The following BAAT variants were observed in gnomAD, a reference collection of about 807,000 sequenced individuals.
BAAT encodes the protein bile acid-CoA:amino acid N-acyltransferase.
BAAT carries 13 observed loss-of-function variants against 18.9 expected under a neutral mutation model. That is an observed-to-expected ratio of 0.69 (90% CI 0.45 to 1.10). BAAT has a LOEUF of 1.10. Among genes scored for constraint, BAAT ranks in the 50% least tolerant of loss-of-function variants. The probability of loss-of-function intolerance (pLI) is 0.00; values close to 1 mark genes in which losing one functional copy is unlikely to be tolerated. For synonymous variants in BAAT, 170 were observed against 190.7 expected (o/e 0.89, Z 0.89); for missense variants, 489 against 504.0 (o/e 0.97, Z 0.28).
Position 101,361,258 on chromosome 9 carries a change from C to T in BAAT, c.*1170G>A, listed in dbSNP as rs1013893119. 2.6e-5 allele frequency: 4 copies of T among 154,182 alleles called. No individual in the cohort carries two copies. Among genetic ancestry groups the T allele is most frequent in the South Asian group, 2.0e-4 (1 of 4,904 alleles). The allele number at this position is 154,182 out of a possible 1,614,324, so 9.6% of individuals were successfully genotyped here. On this transcript the variant is annotated 3_prime_UTR_variant, in exon 4 of 4. Transcript: ENST00000259407. ...AGATATTTAACTGACCCACTATATTCCTCAAGGATACTGCATTTGGACATA... is the reference window on the plus strand; with the variant it reads ...AGATATTTAACTGACCCACTATATTTCTCAAGGATACTGCATTTGGACATA...
chr9:101,381,378 G>T (rs1830130201), intron 1 of BAAT, among the ~76,000 whole-genome samples: 1 of 151,896 alleles, frequency 6.6e-6, no homozygotes, highest in South Asian at 2.1e-4. Flanking sequence ...GTAAAAATTA[G>T]CTGGGTGTGG....
chr9:101,369,267 T>C (rs995473915), intron 2 of BAAT, among the ~76,000 whole-genome samples: 13 of 152,090 alleles, frequency 8.5e-5, no homozygotes, highest in African/African-American at 3.1e-4. Flanking sequence ...TAAAAATTAC[T>C]ATAATTAAGT....
intron 1 of BAAT, among the ~76,000 whole-genome samples, chr9:101,379,034 A>G (rs541109217): frequency 2.0e-4 from 30 of 152,326 alleles, no homozygotes; most frequent in Admixed American, 5.2e-4. Flanking sequence ...CAATGAGATA[A>G]TATCTCATGC....
chr9:101,373,111 A>G (rs897142647), intron 1 of BAAT, among the ~76,000 whole-genome samples: 2 of 152,218 alleles, frequency 1.3e-5, no homozygotes, highest in Non-Finnish European at 2.9e-5. Flanking sequence ...ATCATATTTC[A>G]CAAACTGTTC....
In BAAT at chr9:101,361,390, CAA is replaced by C. The variant is rs907393727; in HGVS notation, c.*1036_*1037del. On this transcript the variant is annotated 3_prime_UTR_variant, in exon 4 of 4. Transcript: ENST00000259407. ...GGACTATATGATCAAAGCCTTATAG[CAA>C]AAAAAATTTTTTAATATTTGCAAAG... is the stretch of plus-strand genomic sequence containing the variant. 41 of 152,422 alleles carry C rather than the reference CAA, an allele frequency of 2.7e-4. No homozygotes were observed. Among genetic ancestry groups the C allele is most frequent in the African/African-American group, 9.9e-4 (41 of 41,486 alleles). The allele number at this position is 152,422 out of a possible 1,614,324, so 9.4% of individuals were successfully genotyped here. A position where few individuals can be genotyped will look rare whatever the true frequency, so the allele number is the denominator to read the frequency against.
At chr9:101,369,522 C>T (rs1044745891) in intron 2 of BAAT, among the ~76,000 whole-genome samples, 1 of 152,126 alleles carries the variant, frequency 6.6e-6, no homozygotes, top group Non-Finnish European at 1.5e-5. Flanking sequence ...ACACTTGAAG[C>T]GGGAGACCCA....
intron 1 of BAAT, among the ~76,000 whole-genome samples, chr9:101,378,181 A>G (rs1176596799): frequency 6.6e-6 from 1 of 152,126 alleles, no homozygotes; most frequent in African/African-American, 2.4e-5. Flanking sequence ...CATACTGCCC[A>G]AAGTAATTTA....
intron 1 of BAAT, among the ~76,000 whole-genome samples, chr9:101,377,964 C>T (rs1442410421): frequency 1.3e-5 from 2 of 152,040 alleles, no homozygotes; most frequent in African/African-American, 4.8e-5. Flanking sequence ...CAATATTAGA[C>T]AAGCAGAGAG....
At chr9:101,376,426 T>A (rs1259032888) in intron 1 of BAAT, 1 of 164,000 alleles carries the variant, frequency 6.1e-6, no homozygotes, top group Non-Finnish European at 1.4e-5. Flanking sequence ...CATCATATGC[T>A]CATCCTGAAT....
rs998576281 is a variant in BAAT, at chr9:101,360,545, G to C, written c.*1883C>G. The C allele has an allele frequency of 1.3e-5, 2 of 152,254 alleles. No individual in the cohort carries two copies. Among genetic ancestry groups the C allele is most frequent in the African/African-American group, 4.8e-5 (2 of 41,430 alleles). The allele number at this position is 152,254 out of a possible 1,614,324, so 9.4% of individuals were successfully genotyped here. On this transcript the variant is annotated 3_prime_UTR_variant, in exon 4 of 4. Coordinates refer to ENST00000259407, the MANE Select transcript of BAAT (RefSeq NM_001701.4). ...ACAATCATGGCAGCAGGTGAACAGC[G>C]AGGAGGCATCTCACATGGCGAGAGA...
intron 1 of BAAT, among the ~76,000 whole-genome samples, chr9:101,378,565 T>C (rs1830084072): frequency 6.6e-6 from 1 of 152,180 alleles, no homozygotes; most frequent in African/African-American, 2.4e-5. Context: ...TTACACCTTA[T>C]ACAAAAATTA....
intron 1 of BAAT, among the ~76,000 whole-genome samples, chr9:101,383,784 A>G (rs755882271): frequency 1.1e-4 from 17 of 152,218 alleles, no homozygotes; most frequent in Non-Finnish European, 1.8e-4. Flanking sequence ...TTTGACCCCT[A>G]TTGGCACCAT....
intron 1 of BAAT, among the ~76,000 whole-genome samples, chr9:101,381,352 T>C (rs906434524): frequency 1.3e-5 from 2 of 151,706 alleles, no homozygotes; most frequent in Middle Eastern, 3.4e-3. Context: ...TGAGATCCCA[T>C]CTCTACAAAA....
chr9:101,384,641 C>T (rs1162512306), intron 1 of BAAT, among the ~76,000 whole-genome samples: 1 of 152,098 alleles, frequency 6.6e-6, no homozygotes, highest in African/African-American at 2.4e-5. Flanking sequence ...CATGCAATAA[C>T]CTGGATGAAT....
rs1247789896 is a variant in BAAT, at chr9:101,360,600, G to A, written c.*1828C>T. 2 of 151,916 alleles carry A rather than the reference G, an allele frequency of 1.3e-5. No homozygotes were observed. Among genetic ancestry groups the A allele is most frequent in the East Asian group, 1.9e-4 (1 of 5,156 alleles). 9.4% of individuals were successfully genotyped at this position (151,916 alleles called of 1,614,324 possible). A position where few individuals can be genotyped will look rare whatever the true frequency, so the allele number is the denominator to read the frequency against. On this transcript the variant is annotated 3_prime_UTR_variant, in exon 4 of 4. Transcript: ENST00000259407. ...GCAAGAAAGAGTGTGAGGATGGGGA[G>A]GAGGTGCCACACACTTTTAAACAGT...
At chr9:101,371,510 G>A (rs367767159) in intron 1 of BAAT, 47 bp from the exon 2 acceptor site, 1 of 1,173,106 alleles carries the variant, frequency 8.5e-7, no homozygotes. Flanking sequence ...TAGAGATAAG[G>A]GTTGATGAAA....
chr9:101,380,271 C>G (rs1430661056), intron 1 of BAAT, among the ~76,000 whole-genome samples: 1 of 152,192 alleles, frequency 6.6e-6, no homozygotes, highest in Non-Finnish European at 1.5e-5. Context: ...AGGCAAATTC[C>G]TACATATTCC....
At chr9:101,381,722 CAT>C (rs1302700726) in intron 1 of BAAT, among the ~76,000 whole-genome samples, 20 of 152,064 alleles carry the variant, frequency 1.3e-4, no homozygotes, top group Non-Finnish European at 1.5e-5. Flanking sequence ...CAGACACAGA[CAT>C]AAATACATGC....
chr9:101,376,598 G>A (rs1286023206), intron 1 of BAAT: 1 of 152,326 alleles, frequency 6.6e-6, no homozygotes, highest in Admixed American at 6.6e-5. Flanking sequence ...TACCAAAATG[G>A]TTCATGGCTG....
Sources: gnomAD v4.1 joint callset for allele counts (sites outside exome capture counted in the v4.1 genomes callset) on GRCh38, gnomAD v4.1.1 for gene constraint, MANE v1.5 for transcripts, NCBI Gene and HGNC (gene_info 2026-07-23, HGNC 2026-07-21) for gene names.